The following SLC1A2 variants were observed in gnomAD, a reference collection of about 807,000 sequenced individuals.
The protein encoded by SLC1A2 is excitatory amino acid transporter 2.
In SLC1A2, 15 loss-of-function variants were observed where a neutral mutation model predicts 48.8. The observed-to-expected ratio is 0.31, with a 90% CI of 0.21 to 0.47. The LOEUF (loss-of-function observed/expected upper bound fraction) is 0.47, where lower values mean the gene tolerates loss of function less well. Ranked by LOEUF, SLC1A2 falls within the 20% of genes least tolerant of loss-of-function variation. SLC1A2 has a pLI of 0.99. For synonymous variants in SLC1A2, 279 were observed against 272.6 expected, an observed-to-expected ratio of 1.02 and a Z score of -0.23; for missense variants, 502 against 730.5, an observed-to-expected ratio of 0.69 and a Z score of 3.61.
chr11:35,301,736 A>T, intron 5 of SLC1A2, 91 bp from the exon 6 acceptor site: 2 of 1,184,290 alleles, frequency 1.7e-6, no homozygotes, highest in Admixed American at 3.7e-5. Flanking sequence ...GTATGGAGCC[A>T]TGTTCTCACT....
chr11:35,388,124 C>A (rs1854642882), intron 1 of SLC1A2, among the ~76,000 whole-genome samples: 1 of 152,160 alleles, frequency 6.6e-6, no homozygotes, highest in Non-Finnish European at 1.5e-5. Context: ...TACGTATCAA[C>A]CCTCGGGGAA....
chr11:35,292,198 C>A, intron 7 of SLC1A2, 89 bp downstream of exon 7: 2 of 916,676 alleles, frequency 2.2e-6, no homozygotes, highest in Non-Finnish European at 3.4e-6. Context: ...TCTTATTGAA[C>A]TTTGTGATGG....
At chr11:35,357,303 C>T (rs1853512762) in intron 1 of SLC1A2, among the ~76,000 whole-genome samples, 1 of 151,058 alleles carries the variant, frequency 6.6e-6, no homozygotes, top group African/African-American at 2.4e-5. Flanking sequence ...AATTCAAATC[C>T]ATTAATTTTA....
At chr11:35,263,282 A>C (rs1358552881) in intron 10 of SLC1A2, among the ~76,000 whole-genome samples, 1 of 152,164 alleles carries the variant, frequency 6.6e-6, no homozygotes, top group Non-Finnish European at 1.5e-5. Flanking sequence ...CCTGACCAAC[A>C]TGGAGAAACC....
At chr11:35,337,662 C>G (rs187281090) in intron 1 of SLC1A2, among the ~76,000 whole-genome samples, 1 of 152,150 alleles carries the variant, frequency 6.6e-6, no homozygotes, top group Non-Finnish European at 1.5e-5. Context: ...GGGTAGAGTC[C>G]TTTAAGGTTG....
At chr11:35,334,436 G>A (rs922840545) in intron 1 of SLC1A2, among the ~76,000 whole-genome samples, 1 of 152,202 alleles carries the variant, frequency 6.6e-6, no homozygotes, top group Middle Eastern at 3.2e-3. Flanking sequence ...TGATTTAACA[G>A]AGCGAATCAC....
chr11:35,277,507 AT>A (rs1157113195), intron 9 of SLC1A2, among the ~76,000 whole-genome samples: 1 of 152,106 alleles, frequency 6.6e-6, no homozygotes, highest in African/African-American at 2.4e-5. Context: ...ATATTAGTGC[AT>A]TTTTTTCCAC....
At chr11:35,334,505 C>T (rs922461866) in intron 1 of SLC1A2, among the ~76,000 whole-genome samples, 2 of 152,160 alleles carry the variant, frequency 1.3e-5, no homozygotes, top group African/African-American at 4.8e-5. Flanking sequence ...TCCCAGGGGA[C>T]AGGTGTGAAA....
intron 1 of SLC1A2, among the ~76,000 whole-genome samples, chr11:35,342,006 A>G (rs1047655175): frequency 7.9e-5 from 12 of 152,250 alleles, no homozygotes; most frequent in African/African-American, 2.9e-4. Flanking sequence ...TGAAAATTGC[A>G]TATGCATGTG....
At chr11:35,377,457 C>T (rs1002356759) in intron 1 of SLC1A2, among the ~76,000 whole-genome samples, 4 of 152,208 alleles carry the variant, frequency 2.6e-5, no homozygotes, top group African/African-American at 9.6e-5. Flanking sequence ...CCCGTCATTC[C>T]ATCTGTTCGT....
chr11:35,356,224 T>C (rs1437295321), intron 1 of SLC1A2, among the ~76,000 whole-genome samples: 1 of 152,208 alleles, frequency 6.6e-6, no homozygotes, highest in Non-Finnish European at 1.5e-5. Context: ...CCCCATGATG[T>C]TTTTTTCCAA....
chr11:35,375,698 G>T (rs1854204045), intron 1 of SLC1A2, among the ~76,000 whole-genome samples: 1 of 152,202 alleles, frequency 6.6e-6, no homozygotes, highest in Non-Finnish European at 1.5e-5. Flanking sequence ...AGTACTTGCA[G>T]ACCCGGGCAG....
chr11:35,312,448 C>T lies in SLC1A2; in HGVS notation c.311G>A (p.Gly104Glu). Residue 104 changes from glycine (G) to glutamate (E), a missense_variant and splice_region_variant, in exon 4 of 11, where the codon GGG becomes GAG. Gly to Glu is a moderately conservative substitution (Grantham distance 98, BLOSUM62 -2). This residue lies in a region of SLC1A2 where 2 missense variants were observed against 23.3 expected (regional missense o/e 0.09). Transcript: ENST00000278379. ...LPLIISSLIT[G>E]LSGLDAKASG... is the part of the protein sequence containing the mutation. ...AGCCTTAGCATCCAGGCCTGACAAC[C>T]CTGGATTGAAAAGAAATGCAGAAGG... 1 of 1,613,706 alleles carries T rather than the reference C, an allele frequency of 6.2e-7. No individual in the cohort carries two copies. Among genetic ancestry groups the T allele is most frequent in the Non-Finnish European group, 8.5e-7 (1 of 1,179,648 alleles).
chr11:35,392,240 T>C (rs1854798633), intron 1 of SLC1A2: 1 of 152,204 alleles, frequency 6.6e-6, no homozygotes, highest in South Asian at 2.1e-4. Flanking sequence ...TGTTTCCTGG[T>C]TTAAGGTGCA....
intron 1 of SLC1A2, among the ~76,000 whole-genome samples, chr11:35,415,339 CT>C (rs1435260129): frequency 6.6e-6 from 1 of 152,200 alleles, no homozygotes; most frequent in Non-Finnish European, 1.5e-5. Context: ...AAATTATTTC[CT>C]GAGAATTAAG....
At chr11:35,408,547 G>A (rs925046188) in intron 1 of SLC1A2, among the ~76,000 whole-genome samples, 10 of 152,068 alleles carry the variant, frequency 6.6e-5, no homozygotes, top group Admixed American at 3.9e-4. Context: ...GCCATGAATC[G>A]GAGGCCTCCT....
At chr11:35,385,653 C>T (rs983359752) in intron 1 of SLC1A2, among the ~76,000 whole-genome samples, 8 of 152,162 alleles carry the variant, frequency 5.3e-5, no homozygotes, top group African/African-American at 1.9e-4. Flanking sequence ...CCAAGATGTG[C>T]TATATCAAAG....
chr11:35,290,499 T>C (rs1446821747), intron 7 of SLC1A2, among the ~76,000 whole-genome samples: 2 of 152,122 alleles, frequency 1.3e-5, no homozygotes, highest in African/African-American at 4.8e-5. Flanking sequence ...AACTAAAGAC[T>C]AATTAAAAGG....
chr11:35,374,879 C>T (rs1482754466), intron 1 of SLC1A2, among the ~76,000 whole-genome samples: 1 of 152,170 alleles, frequency 6.6e-6, no homozygotes, highest in African/African-American at 2.4e-5. Flanking sequence ...GATACACATA[C>T]ACATACCTAT....
Sources: allele counts gnomAD v4.1 joint callset (sites outside exome capture counted in the v4.1 genomes callset), GRCh38; gene constraint gnomAD v4.1.1; regional missense constraint gnomAD v4.1.1; transcripts MANE v1.5; gene names NCBI Gene and HGNC (gene_info 2026-07-23, HGNC 2026-07-21).